Variants in SORCS3 observed in about 807,000 individuals in gnomAD.
The protein encoded by SORCS3 is sortilin related VPS10 domain containing receptor 3.
In SORCS3, 57 loss-of-function variants were observed where a neutral mutation model predicts 146.3. The observed-to-expected ratio is 0.39, with a 90% CI of 0.31 to 0.49. The LOEUF is 0.49. Among genes scored for constraint, SORCS3 ranks in the 20% least tolerant of loss-of-function variants. The pLI, the probability that SORCS3 is intolerant of heterozygous loss-of-function variation, is 0.92. For missense variants in SORCS3, 1,341 were observed against 1,575.5 expected, an observed-to-expected ratio of 0.85 and a Z score of 2.52; for synonymous variants, 653 against 618.5, an observed-to-expected ratio of 1.06 and a Z score of -0.83.
rs539157020 is a variant in SORCS3, at chr10:104,825,535, A to T, written c.628-17257A>T. 2.6e-5 allele frequency among the ~76,000 whole-genome samples: 4 copies of T among 152,268 alleles called. No homozygotes were observed. In the South Asian group the frequency reaches 8.3e-4, roughly 32 times the overall value. ...AGCCAGTTTCCTCTTCCATCAGCTC[A>T]CATCCGTTTCTGCCCTTGGCTGCCT... On this transcript the variant is annotated intron_variant, in intron 1 of 26. Coordinates refer to ENST00000369701, the MANE Select transcript of SORCS3 (RefSeq NM_014978.3).
Position 104,813,624 on chromosome 10 carries a change from C to A in SORCS3, c.628-29168C>A, listed in dbSNP as rs184608352. ...GGCTCTCTGCTCTACAGCGTTGGGT[C>A]TAATGGCCTGTCCCACACCCCTTAG... On this transcript the variant is annotated intron_variant, in intron 1 of 26. Transcript: ENST00000369701. Among the ~76,000 whole-genome samples, 10 of 152,246 alleles carry A rather than the reference C, an allele frequency of 6.6e-5. No individual in the cohort carries two copies. In the East Asian group the frequency reaches 1.9e-3, roughly 29 times the overall value.
intron 5 of SORCS3, among the ~76,000 whole-genome samples, chr10:105,064,833 C>T (rs562109333): frequency 4.8e-4 from 73 of 151,660 alleles, no homozygotes; most frequent in African/African-American, 1.7e-3. Context: ...GCAGATCTTC[C>T]CCACCCAGTC....
intron 1 of SORCS3, among the ~76,000 whole-genome samples, chr10:104,705,499 C>T (rs2016326646): frequency 6.6e-6 from 1 of 152,158 alleles, no homozygotes; most frequent in African/African-American, 2.4e-5. Context: ...TAAACTTTGA[C>T]AGAAGCTTTT....
intron 4 of SORCS3, among the ~76,000 whole-genome samples, chr10:104,983,420 A>G (rs1479532771): frequency 1.3e-5 from 2 of 152,196 alleles, no homozygotes; most frequent in East Asian, 3.8e-4. Flanking sequence ...ATTTGCTGAA[A>G]TGGAAGATAC....
In SORCS3 at chr10:104,977,450, C is replaced by T. The variant is rs1240294051; in HGVS notation, c.911C>T (p.Pro304Leu). The change falls in exon 4 of 27, where the codon CCC becomes CTC. Residue 304 changes from proline (P) to leucine (L), a missense_variant. Pro to Leu is a moderately conservative substitution (Grantham distance 98, BLOSUM62 -3). Transcript: ENST00000369701. ...TATATCCAGAGCCTGCTCTTTCATCCCAAGCAAGAGGACTGGGTGCTGGCC... is the reference window on the plus strand; with the variant it reads ...TATATCCAGAGCCTGCTCTTTCATCTCAAGCAAGAGGACTGGGTGCTGGCC... ...TFYIQSLLFH[P>L]KQEDWVLAYS... 6.2e-7 allele frequency: 1 copy of T among 1,613,262 alleles called. No homozygotes were observed. The highest frequency in any genetic ancestry group is 8.5e-7 in the Non-Finnish European group (1 of 1,179,744).
In SORCS3 at chr10:105,147,753, G is replaced by A. The variant is rs913055357; in HGVS notation, c.1439G>A (p.Ser480Asn). The A allele has an allele frequency of 6.2e-7, 1 of 1,612,886 alleles. No homozygotes were observed. Among genetic ancestry groups the A allele is most frequent in the Non-Finnish European group, 8.5e-7 (1 of 1,179,266 alleles). ...ACTCTGGCCATGGAGAACATCAAGAGCAGCAGAGGTCTAATGGGGAACATC... is the reference window on the plus strand; with the variant it reads ...ACTCTGGCCATGGAGAACATCAAGAACAGCAGAGGTCTAATGGGGAACATC... The part of the protein sequence containing the change: ...YFTLAMENIK[S>N]SRGLMGNIII... Residue 480 changes from serine (S) to asparagine (N), a missense_variant, in exon 9 of 27, where the codon AGC becomes AAC. Coordinates refer to ENST00000369701, the MANE Select transcript of SORCS3 (RefSeq NM_014978.3).
At chr10:104,669,024 CAG>C (rs1331396540) in intron 1 of SORCS3, among the ~76,000 whole-genome samples, 1 of 152,176 alleles carries the variant, frequency 6.6e-6, no homozygotes, top group Non-Finnish European at 1.5e-5. Flanking sequence ...TACACTTCAG[CAG>C]AGAGAAGTGT....
Position 104,915,901 on chromosome 10 carries a change from A to G in SORCS3, c.764A>G (p.Tyr255Cys). The part of the protein sequence containing the change: ...DKVGLKTVLS[Y>C]LYVNPTNKRK... ...GTGGGTTTGAAGACTGTCCTCAGTT[A>G]CCTCTATGTCAATCCAACCAACAAA... Residue 255 changes from tyrosine (Y) to cysteine (C), a missense_variant, in exon 3 of 27, where the codon TAC (tyrosine) becomes TGC (cysteine). By Grantham distance (194) the Tyr-to-Cys change is radical (BLOSUM62 -2). Coordinates refer to ENST00000369701, the MANE Select transcript of SORCS3 (RefSeq NM_014978.3). 6.2e-7 allele frequency: 1 copy of G among 1,614,022 alleles called. No homozygotes were observed. Among genetic ancestry groups the G allele is most frequent in the South Asian group, 1.1e-5 (1 of 91,066 alleles).
At chr10:105,131,934 A>G (rs955373976) in intron 7 of SORCS3, among the ~76,000 whole-genome samples, 7 of 152,162 alleles carry the variant, frequency 4.6e-5, no homozygotes, top group East Asian at 1.9e-4. Flanking sequence ...CACCTCCAAC[A>G]TTGGGGATTA....
intron 1 of SORCS3, among the ~76,000 whole-genome samples, chr10:104,753,638 GT>G: frequency 6.6e-6 from 1 of 152,212 alleles, no homozygotes; most frequent in Admixed American, 6.5e-5. Context: ...TTTGTTGATG[GT>G]TTTTCCCTCC....
chr10:105,148,611 C>T (rs2056148478), intron 9 of SORCS3, among the ~76,000 whole-genome samples: 1 of 151,894 alleles, frequency 6.6e-6, no homozygotes, highest in Admixed American at 6.6e-5. Flanking sequence ...AACCAGTGGC[C>T]ACACCCATAC....
intron 4 of SORCS3, among the ~76,000 whole-genome samples, chr10:105,031,480 G>A (rs1300387755): frequency 6.6e-6 from 1 of 152,020 alleles, no homozygotes; most frequent in Admixed American, 6.6e-5. Context: ...TATATCTAAA[G>A]GAACCTAAGA....
At chr10:104,737,888 C>T (rs985567646) in intron 1 of SORCS3, among the ~76,000 whole-genome samples, 5 of 149,728 alleles carry the variant, frequency 3.3e-5, no homozygotes, top group African/African-American at 1.2e-4. Flanking sequence ...AGGTTTTCTT[C>T]TAGGGTTTTT....
intron 8 of SORCS3, among the ~76,000 whole-genome samples, chr10:105,146,560 C>T (rs1362633845): frequency 6.6e-6 from 1 of 151,806 alleles, no homozygotes; most frequent in African/African-American, 2.4e-5. Context: ...CAGAATATGG[C>T]CAAGCTAAAC....
intron 4 of SORCS3, among the ~76,000 whole-genome samples, chr10:105,029,739 A>C (rs1471014643): frequency 2.0e-5 from 3 of 152,326 alleles, no homozygotes; most frequent in Non-Finnish European, 4.4e-5. Context: ...AAGAAGCTTC[A>C]AATACTCAGC....
chr10:105,091,592 AT>A (rs2055709867), intron 6 of SORCS3, among the ~76,000 whole-genome samples: 1 of 141,824 alleles, frequency 7.1e-6, no homozygotes, highest in African/African-American at 2.7e-5. Flanking sequence ...TTTTCATCTC[AT>A]TGGATCCTTA....
chr10:104,734,250 T>C (rs1280259989), intron 1 of SORCS3, among the ~76,000 whole-genome samples: 1 of 152,162 alleles, frequency 6.6e-6, no homozygotes, highest in Non-Finnish European at 1.5e-5. Flanking sequence ...TGCAATTCTT[T>C]ATTGTAAGGG....
chr10:104,757,389 A>G (rs1011192374), intron 1 of SORCS3, among the ~76,000 whole-genome samples: 5 of 152,160 alleles, frequency 3.3e-5, no homozygotes, highest in African/African-American at 1.2e-4. Flanking sequence ...CTGCAGGTGG[A>G]TCTTCATCTC....
intron 1 of SORCS3, among the ~76,000 whole-genome samples, chr10:104,718,900 TAAAG>T (rs1379225311): frequency 6.6e-6 from 1 of 152,078 alleles, no homozygotes; most frequent in Non-Finnish European, 1.5e-5. Context: ...TTCATAAAAA[TAAAG>T]AAGGGAACTG....
Sources: gnomAD v4.1 joint callset for allele counts (sites outside exome capture counted in the v4.1 genomes callset) on GRCh38, gnomAD v4.1.1 for gene constraint, MANE v1.5 for transcripts, NCBI Gene and HGNC (gene_info 2026-07-23, HGNC 2026-07-21) for gene names.